SH2D3C: variants seen among roughly 807,000 people sequenced by gnomAD.
SH2D3C encodes SH2 domain-containing protein 3C.
SH2D3C carries 25 observed loss-of-function variants against 75.2 expected under a neutral mutation model. The observed-to-expected ratio is 0.33, with a 90% CI of 0.24 to 0.46. The LOEUF is 0.46. SH2D3C is among the 20% of genes least tolerant of loss of function. The pLI, the probability that SH2D3C is intolerant of heterozygous loss-of-function variation, is 1.00. For synonymous variants in SH2D3C, 450 were observed against 473.7 expected (o/e 0.95, Z 0.65); for missense variants, 933 against 1,165.3 (o/e 0.80, Z 2.90).
intron 3 of SH2D3C, chr9:127,755,106 G>C: frequency 8.2e-7 from 1 of 1,217,544 alleles, no homozygotes; most frequent in Non-Finnish European, 1.0e-6. Flanking sequence ...AGCCGCGGTA[G>C]AAGCAGCAGG....
intron 8 of SH2D3C, among the ~76,000 whole-genome samples, 183 bp from the exon 9 acceptor site, chr9:127,742,142 T>C (rs1159278310): frequency 1.3e-5 from 2 of 152,066 alleles, no homozygotes; most frequent in Non-Finnish European, 2.9e-5. Flanking sequence ...GGGCTTCTGA[T>C]TGGTCAGCAT....
intron 2 of SH2D3C, chr9:127,771,180 A>G (rs1401245796): frequency 6.5e-7 from 1 of 1,539,626 alleles, no homozygotes; most frequent in Non-Finnish European, 8.8e-7. Context: ...CAGCTCGGTC[A>G]CTCACCCTCG....
chr9:127,769,399 T>C (rs187305767), intron 2 of SH2D3C, among the ~76,000 whole-genome samples: 133 of 152,210 alleles, frequency 8.7e-4, no homozygotes, highest in African/African-American at 3.0e-3. Flanking sequence ...TCCCAGCATT[T>C]TGGGAGGCTG....
intron 3 of SH2D3C, among the ~76,000 whole-genome samples, chr9:127,758,699 C>CT (rs924201401): frequency 6.6e-6 from 1 of 152,216 alleles, no homozygotes; most frequent in African/African-American, 2.4e-5. Context: ...CTCTGCTTAA[C>CT]TTTGTCTCCT....
At chr9:127,775,709 C>T (rs1477323162) in intron 1 of SH2D3C, among the ~76,000 whole-genome samples, 1 of 151,658 alleles carries the variant, frequency 6.6e-6, no homozygotes, top group East Asian at 2.0e-4. Context: ...ACTTGGGAGG[C>T]TGAGGCAGGA....
At chr9:127,766,671 G>T (rs1441949485) in intron 2 of SH2D3C, among the ~76,000 whole-genome samples, 1 of 152,224 alleles carries the variant, frequency 6.6e-6, no homozygotes, top group Non-Finnish European at 1.5e-5. Flanking sequence ...CCGGGTTCAA[G>T]TGATTCTCTT....
chr9:127,755,414 G>A (rs923521630), intron 3 of SH2D3C: 2 of 282,386 alleles, frequency 7.1e-6, no homozygotes, highest in Admixed American at 5.4e-5. Flanking sequence ...CCGCCCTCCA[G>A]TTCCGCGCGC....
chr9:127,743,034 G>A, intron 7 of SH2D3C, 70 bp from the exon 8 acceptor site: 2 of 1,170,722 alleles, frequency 1.7e-6, no homozygotes, highest in South Asian at 2.6e-5. Flanking sequence ...GAGTCAGAGA[G>A]CTTTATCTAA....
intron 2 of SH2D3C, chr9:127,771,175 C>T (rs1156606010): frequency 1.3e-6 from 2 of 1,540,144 alleles, no homozygotes; most frequent in Non-Finnish European, 1.8e-6. Context: ...AGGCCCAGCT[C>T]GGTCACTCAC....
chr9:127,753,446 T>C (rs1169220922), intron 3 of SH2D3C, among the ~76,000 whole-genome samples: 2 of 152,106 alleles, frequency 1.3e-5, no homozygotes, highest in Non-Finnish European at 2.9e-5. Flanking sequence ...TGCAGGGCTC[T>C]GGGGACAGAT....
At chr9:127,771,688 C>T (rs930003220) in intron 2 of SH2D3C, among the ~76,000 whole-genome samples, 10 of 152,340 alleles carry the variant, frequency 6.6e-5, no homozygotes, top group Admixed American at 5.9e-4. Context: ...GGGCCAGGCT[C>T]CTGGTGCAGT....
Position 127,754,833 on chromosome 9 carries a change from G to A in SH2D3C, c.556-3533C>T, listed in dbSNP as rs929749800. On this transcript the variant is annotated intron_variant, in intron 3 of 11. Transcript: ENST00000314830. The surrounding 1 kb of genome is among the most constrained non-coding windows in gnomAD (Gnocchi z 4.4). ...CCCTCCTGCGGAGGAGGCAGAAACG[G>A]ACCGGCATCTACCGCAGCCCAGAGT... 4 of 491,952 alleles carry A rather than the reference G, an allele frequency of 8.1e-6. No individual in the cohort carries two copies. Among genetic ancestry groups the A allele is most frequent in the South Asian group, 1.5e-5 (1 of 64,666 alleles). 30.5% of individuals were successfully genotyped at this position (491,952 alleles called of 1,614,324 possible).
rs1845328520 is a variant in SH2D3C at position 127,754,998 on chromosome 9, C to T, written c.556-3698G>A. On this transcript the variant is annotated intron_variant, in intron 3 of 11. Transcript: ENST00000314830. This position sits in a 1 kb window ranked among gnomAD's most constrained non-coding sequence, Gnocchi z 4.4. Reference sequence around the variant, plus strand: ...CCGGGCGCCGCTGAGCTGCAGCTCCCCGGCTGGCTCTAGGGCCCCGGGCGG... The same window carrying T: ...CCGGGCGCCGCTGAGCTGCAGCTCCTCGGCTGGCTCTAGGGCCCCGGGCGG... 4 of 682,938 alleles carry T rather than the reference C, an allele frequency of 5.9e-6. No individual in the cohort carries two copies. Among genetic ancestry groups the T allele is most frequent in the South Asian group, 7.0e-5 (2 of 28,766 alleles). The allele number at this position is 682,938 out of a possible 1,614,324, so 42.3% of individuals were successfully genotyped here.
chr9:127,739,664 A>G lies in SH2D3C; in HGVS notation c.2407+18T>C. ...GGCCCAGGCCTGCAAGCCCCCCAAGATGCCACCCGCCACTCACCCTGCAGC... is the reference window on the plus strand; with the variant it reads ...GGCCCAGGCCTGCAAGCCCCCCAAGGTGCCACCCGCCACTCACCCTGCAGC... On this transcript the variant is annotated intron_variant, in intron 11 of 11. Transcript: ENST00000314830. The surrounding 1 kb of genome is among the most constrained non-coding windows in gnomAD (Gnocchi z 4.3). The G allele has an allele frequency of 1.9e-6, 3 of 1,588,570 alleles. No individual in the cohort carries two copies. Among genetic ancestry groups the G allele is most frequent in the Non-Finnish European group, 2.6e-6 (3 of 1,164,042 alleles).
rs758148043 is a variant in SH2D3C, at chr9:127,740,330, G to A, written c.2128C>T (p.Arg710Ter). The A allele has an allele frequency of 1.9e-6, 3 of 1,614,098 alleles. No homozygotes were observed. Among genetic ancestry groups the A allele is most frequent in the South Asian group, 1.1e-5 (1 of 91,080 alleles). The change falls in exon 10 of 12, where the codon CGA becomes TGA. Residue 710 changes from arginine (R) to a stop codon, truncating the protein, a stop_gained. Transcript: ENST00000314830. LOFTEE classifies it high-confidence loss of function. ...LEQTWVTLRQ[R>*]HTEGAILYEK... ...TACAGGATGGCACCCTCTGTGTGTC[G>A]CTGCCGCAGGGTCACCCATGTCTGC...
chr9:127,770,875 G>C (rs1408289996), intron 2 of SH2D3C, among the ~76,000 whole-genome samples: 1 of 152,298 alleles, frequency 6.6e-6, no homozygotes, highest in South Asian at 2.1e-4. Context: ...TAAGAGCATG[G>C]GCCAGGAAGC....
At chr9:127,764,179 G>C (rs541558346) in intron 2 of SH2D3C, among the ~76,000 whole-genome samples, 113 of 152,294 alleles carry the variant, frequency 7.4e-4, no homozygotes, top group African/African-American at 2.7e-3. Context: ...AAGAGATCAG[G>C]CCTGACTAGG....
At position 127,773,990 on chromosome 9, in the gene SH2D3C, C is replaced by G. The variant is rs750858835; in HGVS notation, c.515G>C (p.Arg172Thr). Residue 172 changes from arginine (R) to threonine (T), a missense_variant and splice_region_variant, in exon 2 of 12, where the codon AGG (arginine) becomes ACG (threonine). Physicochemically the swap from Arg to Thr is moderately conservative, Grantham distance 71. Coordinates refer to ENST00000314830, the MANE Select transcript of SH2D3C (RefSeq NM_170600.3). Reference protein sequence around the residue: ...ERPPRDVHSERAAGEPEAGSD... With the variant: ...ERPPRDVHSETAAGEPEAGSD... ...TCCCAACCAGCCCCTGGGCACCTAC[C>G]TTTCTGAGTGCACGTCCCTGGGAGG... The G allele has an allele frequency of 1.9e-6, 3 of 1,600,062 alleles. No homozygotes were observed. In the East Asian group the frequency reaches 6.7e-5, roughly 36 times the overall value.
Position 127,751,303 on chromosome 9 carries a change from G to C in SH2D3C, c.556-3C>G. On this transcript the variant is annotated splice_polypyrimidine_tract_variant and splice_region_variant and intron_variant, in intron 3 of 11. Coordinates refer to ENST00000314830, the MANE Select transcript of SH2D3C (RefSeq NM_170600.3). The surrounding 1 kb of genome is among the most constrained non-coding windows in gnomAD (Gnocchi z 4.1). ...AGGATGTACTTCTCCTTGGAGAACTGGGTAGAAAACAGCAAGAGTTGGCAT... is the reference window on the plus strand; with the variant it reads ...AGGATGTACTTCTCCTTGGAGAACTCGGTAGAAAACAGCAAGAGTTGGCAT... 6.2e-7 allele frequency: 1 copy of C among 1,613,184 alleles called. No homozygotes were observed. The highest frequency in any genetic ancestry group is 8.5e-7 in the Non-Finnish European group (1 of 1,179,410).
Sources: gnomAD v4.1 joint callset for allele counts (sites outside exome capture counted in the v4.1 genomes callset) on GRCh38, gnomAD v4.1.1 for gene constraint, Gnocchi (gnomAD v3.1) non-coding constraint, MANE v1.5 for transcripts, NCBI Gene and HGNC (gene_info 2026-07-23, HGNC 2026-07-21) for gene names.